Variants in IL1RAPL1 observed in about 807,000 individuals in gnomAD.
The protein encoded by IL1RAPL1 is interleukin-1 receptor accessory protein-like 1.
In IL1RAPL1, 3 loss-of-function variants were observed where a neutral mutation model predicts 48.4. That is an observed-to-expected ratio of 0.06 (90% CI 0.03 to 0.16). IL1RAPL1 has a LOEUF of 0.16. Among genes scored for constraint, IL1RAPL1 ranks in the 10% least tolerant of loss-of-function variants. IL1RAPL1 has a pLI of 1.00. For missense variants in IL1RAPL1, 349 were observed against 530.6 expected (o/e 0.66, Z 3.36); for synonymous variants, 185 against 187.7 (o/e 0.99, Z 0.12).
At chrX:29,381,624 G>T (rs1457176220) in intron 3 of IL1RAPL1, among the ~76,000 whole-genome samples, 1 of 102,405 alleles carries the variant, frequency 9.8e-6, no homozygotes, top group Non-Finnish European at 2.0e-5. Flanking sequence ...AGAACAGTCT[G>T]GGCGACATGG....
intron 3 of IL1RAPL1, among the ~76,000 whole-genome samples, chrX:29,395,266 A>C (rs1449791425): frequency 8.9e-6 from 1 of 112,044 alleles, no homozygotes; most frequent in Non-Finnish European, 1.9e-5. Context: ...GGCCATGTAC[A>C]TGAATAAGCA....
intron 2 of IL1RAPL1, among the ~76,000 whole-genome samples, chrX:29,226,623 C>T (rs1416317847): frequency 1.3e-4 from 14 of 108,313 alleles, no homozygotes; most frequent in Non-Finnish European, 5.7e-5. Context: ...TTAGTAGAGA[C>T]GGGGTTTCAT....
chrX:29,088,672 CA>C (rs1182451817), intron 2 of IL1RAPL1, among the ~76,000 whole-genome samples: 5,349 of 32,774 alleles, frequency 0.16, 120 homozygotes, highest in South Asian at 0.34. Context: ...CACTCCTTCT[CA>C]AAAAAAAAAA....
intron 5 of IL1RAPL1, among the ~76,000 whole-genome samples, chrX:29,640,792 C>T (rs1159876009): frequency 1.8e-5 from 2 of 112,310 alleles, no homozygotes; most frequent in African/African-American, 6.5e-5. Flanking sequence ...AACCTGCTTC[C>T]TTTTCCCAAT....
chrX:29,417,114 T>G (rs1367832455), intron 5 of IL1RAPL1, among the ~76,000 whole-genome samples: 1 of 111,959 alleles, frequency 8.9e-6, no homozygotes, highest in East Asian at 2.8e-4. Flanking sequence ...AAAGGTCCAC[T>G]AATTATATCC....
chrX:28,942,525 C>G (rs1281742844), intron 2 of IL1RAPL1: 2 of 107,482 alleles, frequency 1.9e-5, no homozygotes, highest in Non-Finnish European at 3.9e-5. Context: ...AGTCTTTTGA[C>G]TTATTTCACA....
intron 5 of IL1RAPL1, among the ~76,000 whole-genome samples, chrX:29,666,473 C>T (rs980591437): frequency 3.7e-5 from 4 of 108,526 alleles, no homozygotes; most frequent in Non-Finnish European, 5.7e-5. Context: ...ACTTAATAAC[C>T]GTGTAATTCT....
At chrX:28,975,750 G>A (rs1925189243) in intron 2 of IL1RAPL1, among the ~76,000 whole-genome samples, 1 of 112,046 alleles carries the variant, frequency 8.9e-6, no homozygotes, top group Admixed American at 9.5e-5. Context: ...ATCTTACATG[G>A]TGATAAATGT....
At chrX:29,171,284 G>A (rs775122029) in intron 2 of IL1RAPL1, among the ~76,000 whole-genome samples, 2 of 111,784 alleles carry the variant, frequency 1.8e-5, no homozygotes, top group Admixed American at 9.6e-5. Flanking sequence ...CACTGTGCCC[G>A]GTCATACCAA....
At chrX:29,495,993 T>C (rs993746485) in intron 5 of IL1RAPL1, among the ~76,000 whole-genome samples, 3 of 110,726 alleles carry the variant, frequency 2.7e-5, no homozygotes, top group African/African-American at 9.9e-5. Context: ...AGTAGGCAAA[T>C]CTGAAGACCT....
chrX:29,113,009 C>T (rs962095875), intron 2 of IL1RAPL1, among the ~76,000 whole-genome samples: 3 of 110,357 alleles, frequency 2.7e-5, no homozygotes, highest in Non-Finnish European at 5.7e-5. Context: ...GACGGGGTTT[C>T]ACCATGTTGG....
At chrX:29,769,427 GTTTTTTTTTTTTTTTTTTTT>G (rs749403144) in intron 6 of IL1RAPL1, among the ~76,000 whole-genome samples, 2 of 25,886 alleles carry the variant, frequency 7.7e-5, no homozygotes, top group Non-Finnish European at 1.1e-4. Flanking sequence ...CTGCCAAACA[GTTTTTTTTTTTTTTTTTTTT>G]TTTTTTTTTT....
chrX:29,501,600 G>A lies in IL1RAPL1; in HGVS notation c.703+102292G>A, dbSNP rs912566230. Among the ~76,000 whole-genome samples the A allele has an allele frequency of 1.9e-4, 21 of 111,007 alleles. No individual in the cohort carries two copies. The East Asian group carries it at 3.6e-3, about 19-fold the overall frequency. ...TTTCCCCATTGGATGTTCTTGTTGCGTTTGTCAAAAATGAGTTGTCTTTAA... is the reference window on the plus strand; with the variant it reads ...TTTCCCCATTGGATGTTCTTGTTGCATTTGTCAAAAATGAGTTGTCTTTAA... On this transcript the variant is annotated intron_variant, in intron 5 of 10. Transcript: ENST00000378993.
chrX:29,198,046 A>G (rs1026309232), intron 2 of IL1RAPL1, among the ~76,000 whole-genome samples: 5 of 111,599 alleles, frequency 4.5e-5, no homozygotes, highest in African/African-American at 1.3e-4. Context: ...ATTGTACAAT[A>G]TTTTGATCCT....
intron 8 of IL1RAPL1, among the ~76,000 whole-genome samples, chrX:29,937,022 T>C (rs1398229867): frequency 1.8e-5 from 2 of 111,851 alleles, no homozygotes; most frequent in Non-Finnish European, 3.8e-5. Context: ...GTTAATTGCC[T>C]GTAACTAAAT....
At chrX:28,722,270 T>C (rs1228119398) in intron 1 of IL1RAPL1, among the ~76,000 whole-genome samples, 15 of 111,473 alleles carry the variant, frequency 1.3e-4, no homozygotes, top group Non-Finnish European at 2.6e-4. Flanking sequence ...TTTTATTTCA[T>C]TGAGCAGTGG....
chrX:29,306,530 G>GAAAA (rs1166748708), intron 3 of IL1RAPL1, among the ~76,000 whole-genome samples: 14 of 33,446 alleles, frequency 4.2e-4, no homozygotes, highest in African/African-American at 5.6e-4. Flanking sequence ...TCTGTCAAAA[G>GAAAA]AAAAAAAAAA....
chrX:29,168,753 A>ATATATATTCATATGTACAATTGTATG (rs1388550768), intron 2 of IL1RAPL1, among the ~76,000 whole-genome samples: 1 of 96,573 alleles, frequency 1.0e-5, no homozygotes, highest in Non-Finnish European at 2.1e-5. Context: ...ACAATTGTAT[A>ATATATATTCATATGTACAATTGTATG]TATATATTCA....
chrX:29,159,104 C>G (rs1018189319), intron 2 of IL1RAPL1, among the ~76,000 whole-genome samples: 3 of 107,999 alleles, frequency 2.8e-5, no homozygotes, highest in Admixed American at 1.0e-4. Flanking sequence ...ATTTCTTCAT[C>G]TGTAACAAGA....
Sources: gnomAD v4.1 joint callset for allele counts (sites outside exome capture counted in the v4.1 genomes callset) on GRCh38, gnomAD v4.1.1 for gene constraint, MANE v1.5 for transcripts, NCBI Gene and HGNC (gene_info 2026-07-23, HGNC 2026-07-21) for gene names.